The following NUCKS1 variants were observed in gnomAD, a reference collection of about 807,000 sequenced individuals.
The protein encoded by NUCKS1 is nuclear casein kinase and cyclin dependent kinase substrate 1.
A neutral mutation model predicts 33.0 loss-of-function variants in NUCKS1; 2 were observed. That is an observed-to-expected ratio of 0.06 (90% CI 0.02 to 0.19). NUCKS1 has a LOEUF of 0.19. Ranked by LOEUF, NUCKS1 falls within the 10% of genes least tolerant of loss-of-function variation. The pLI is 1.00. For synonymous variants in NUCKS1, 106 were observed against 102.8 expected, an observed-to-expected ratio of 1.03 and a Z score of -0.19; for missense variants, 201 against 293.6, an observed-to-expected ratio of 0.68 and a Z score of 2.31.
chr1:205,721,246 C>CTG (rs1671911551), intron 4 of NUCKS1, among the ~76,000 whole-genome samples: 1 of 151,774 alleles, frequency 6.6e-6, no homozygotes, highest in Non-Finnish European at 1.5e-5. Context: ...TGTAACAAAC[C>CTG]TGCACATCCT....
chr1:205,741,246 G>A (rs1252685789), intron 1 of NUCKS1, among the ~76,000 whole-genome samples: 4 of 141,544 alleles, frequency 2.8e-5, no homozygotes, highest in Admixed American at 7.4e-5. Context: ...CTTGCAGTGA[G>A]CCGAGATCGC....
chr1:205,743,695 T>C (rs371130019), intron 1 of NUCKS1, among the ~76,000 whole-genome samples: 4 of 152,318 alleles, frequency 2.6e-5, no homozygotes, highest in African/African-American at 4.8e-5. Context: ...TCTTGGAAAG[T>C]GGAGCCTTAA....
At chr1:205,749,594 C>T (rs1654428572) in intron 1 of NUCKS1, among the ~76,000 whole-genome samples, 1 of 151,998 alleles carries the variant, frequency 6.6e-6, no homozygotes, top group Non-Finnish European at 1.5e-5. Context: ...CGCGCTGGCT[C>T]CAAGGGGACG....
chr1:205,746,920 A>G (rs1053971396), intron 1 of NUCKS1, among the ~76,000 whole-genome samples: 1 of 152,174 alleles, frequency 6.6e-6, no homozygotes, highest in Non-Finnish European at 1.5e-5. Flanking sequence ...GATCACTTTC[A>G]ATAAGGGAGG....
chr1:205,719,831 A>G (rs1671890167), intron 5 of NUCKS1, 155 bp from the exon 6 acceptor site: 2 of 670,396 alleles, frequency 3.0e-6, no homozygotes, highest in East Asian at 2.9e-5. Flanking sequence ...GACTGGAGTC[A>G]TCACTGGCCT....
At chr1:205,740,571 C>T (rs1242781261) in intron 1 of NUCKS1, among the ~76,000 whole-genome samples, 1 of 151,960 alleles carries the variant, frequency 6.6e-6, no homozygotes, top group South Asian at 2.1e-4. Context: ...GATCAGGCCA[C>T]TGCACTCTAG....
intron 1 of NUCKS1, among the ~76,000 whole-genome samples, chr1:205,739,826 C>T (rs1654120663): frequency 6.6e-6 from 1 of 151,998 alleles, no homozygotes; most frequent in South Asian, 2.1e-4. Context: ...TTGACTCAAG[C>T]GATCTGCCCT....
intron 1 of NUCKS1, among the ~76,000 whole-genome samples, chr1:205,736,759 G>A (rs1220751866): frequency 6.6e-6 from 1 of 151,462 alleles, no homozygotes; most frequent in Non-Finnish European, 1.5e-5. Flanking sequence ...TGAACCCGGG[G>A]AACGGAGTTT....
chr1:205,723,211 A>G (rs115552741), intron 4 of NUCKS1, among the ~76,000 whole-genome samples: 52 of 152,326 alleles, frequency 3.4e-4, no homozygotes, highest in Non-Finnish European at 5.4e-4. Context: ...TGTATTAGCT[A>G]AACAGCAGTC....
intron 1 of NUCKS1, among the ~76,000 whole-genome samples, chr1:205,746,489 T>C (rs12091263): frequency 1.6e-5 from 1 of 62,826 alleles, no homozygotes; most frequent in African/African-American, 4.8e-5. Context: ...ACACACACAC[T>C]AGAGAATAAG....
chr1:205,744,890 C>G lies in NUCKS1; in HGVS notation c.17+5067G>C, dbSNP rs192716638. On this transcript the variant is annotated intron_variant, in intron 1 of 6. Transcript: ENST00000367142. ...TAGGTGATCTGCCCGCCTCAGCCTC[C>G]CAAAGTGCTGGGATTACAGGCATGA... 1.8e-3 allele frequency among the ~76,000 whole-genome samples: 275 copies of G among 152,238 alleles called. 1 individual carries two copies. The highest frequency in any genetic ancestry group is 6.2e-3 in the African/African-American group (256 of 41,532).
intron 3 of NUCKS1, among the ~76,000 whole-genome samples, chr1:205,724,420 G>A (rs888105489): frequency 1.3e-5 from 2 of 152,178 alleles, no homozygotes; most frequent in Admixed American, 6.5e-5. Context: ...TAGTCCGGGC[G>A]TGGTGGCTCA....
chr1:205,748,105 G>T (rs1183150888), intron 1 of NUCKS1, among the ~76,000 whole-genome samples: 1 of 151,886 alleles, frequency 6.6e-6, no homozygotes, highest in African/African-American at 2.4e-5. Context: ...AAGTTGTGCA[G>T]AAGTCCCAAT....
intron 1 of NUCKS1, among the ~76,000 whole-genome samples, chr1:205,734,234 A>G (rs1331820794): frequency 6.6e-6 from 1 of 152,148 alleles, no homozygotes; most frequent in Admixed American, 6.5e-5. Context: ...TATTTAGTAC[A>G]TATTTTTCTA....
chr1:205,749,897 T>C, intron 1 of NUCKS1, 60 bp downstream of exon 1: 1 of 1,556,636 alleles, frequency 6.4e-7, no homozygotes, highest in Non-Finnish European at 8.8e-7. Flanking sequence ...TCCCCCACTC[T>C]TTTCACCACT....
chr1:205,748,028 T>C (rs1211470729), intron 1 of NUCKS1, among the ~76,000 whole-genome samples: 1 of 151,610 alleles, frequency 6.6e-6, no homozygotes, highest in East Asian at 1.9e-4. Flanking sequence ...ACATATTAAC[T>C]TCACTCTTCA....
chr1:205,727,715 T>G lies in NUCKS1; in HGVS notation c.158A>C (p.Asn53Thr). Residue 53 changes from asparagine to threonine, a missense_variant, in exon 3 of 7, where the codon AAT (asparagine) becomes ACT (threonine). Transcript: ENST00000367142. ...EAKNKRRSGK[N>T]SQEDSEDSED... is the part of the protein sequence containing the mutation. ...TGCCTCTTACCTATCTTCCTGTGAA[T>G]TCTTTCCAGATCGCCTCTTATTTTT... 6.2e-7 allele frequency: 1 copy of G among 1,612,634 alleles called. No individual in the cohort carries two copies. The highest frequency in any genetic ancestry group is 8.5e-7 in the Non-Finnish European group (1 of 1,178,756).
chr1:205,742,800 G>A (rs1654210794), intron 1 of NUCKS1, among the ~76,000 whole-genome samples: 1 of 152,116 alleles, frequency 6.6e-6, no homozygotes, highest in Non-Finnish European at 1.5e-5. Context: ...ATTCCAGCCT[G>A]GAGGACAGAG....
At chr1:205,726,687 T>A (rs1382567341) in intron 3 of NUCKS1, among the ~76,000 whole-genome samples, 2 of 152,238 alleles carry the variant, frequency 1.3e-5, no homozygotes, top group African/African-American at 4.8e-5. Context: ...TTTCATAACC[T>A]GTTTGTCCAT....
Sources: allele counts gnomAD v4.1 joint callset (sites outside exome capture counted in the v4.1 genomes callset), GRCh38; gene constraint gnomAD v4.1.1; transcripts MANE v1.5; gene names NCBI Gene and HGNC (gene_info 2026-07-23, HGNC 2026-07-21).